The following DDX3X variants were observed in gnomAD, a reference collection of about 807,000 sequenced individuals.
DDX3X encodes DEAD-box helicase 3 X-linked.
Under a neutral mutation model 52.7 loss-of-function variants are expected in DDX3X, and 4 were observed. The ratio of observed to expected loss-of-function variants is 0.08; its 90% CI spans 0.04 to 0.17. The LOEUF (loss-of-function observed/expected upper bound fraction) is 0.17, where lower values mean the gene tolerates loss of function less well. DDX3X is among the 10% of genes least tolerant of loss of function. The pLI is 1.00. For synonymous variants in DDX3X, 192 were observed against 178.1 expected, an observed-to-expected ratio of 1.08 and a Z score of -0.62; for missense variants, 222 against 548.6, an observed-to-expected ratio of 0.40 and a Z score of 5.95.
At chrX:41,350,870 T>TA (rs1037008606), downstream of DDX3X, 2 of 111,875 alleles carry the variant, frequency 1.8e-5, no homozygotes, top group Non-Finnish European at 3.8e-5. Flanking sequence ...AGCGGTTTGA[T>TA]ACGTTTCAAT....
At chrX:41,343,843 T>C in intron 8 of DDX3X, 21 bp downstream of exon 8, 1 of 1,175,358 alleles carries the variant, frequency 8.5e-7, no homozygotes. Context: ...CTTTATAAAA[T>C]GGGAAATTGT....
intron 1 of DDX3X, 59 bp downstream of exon 1, chrX:41,334,356 C>T (rs1027871352): frequency 1.7e-6 from 2 of 1,185,408 alleles, no homozygotes; most frequent in East Asian, 3.0e-5. Flanking sequence ...CTGACCTAAC[C>T]TGGCTAATGG....
chrX:41,334,620 C>G (rs1026013476), intron 1 of DDX3X: 3 of 1,088,838 alleles, frequency 2.8e-6, no homozygotes, highest in African/African-American at 1.8e-5. Flanking sequence ...GATTAGTGAC[C>G]TGGGGGGGTT....
chrX:41,345,826 C>T (rs1484767635), intron 12 of DDX3X: 1 of 279,764 alleles, frequency 3.6e-6, no homozygotes, highest in African/African-American at 2.8e-5. Flanking sequence ...AATCCTCCTG[C>T]CTCAGTCTCC....
At position 41,350,060 on chromosome X, in the gene DDX3X, C is replaced by CATGTAAGG. The variant is rs1205703952; in HGVS notation, c.*2344_*2351dup. ...TTTCAGTTAATAAGGTTTCAAAAATCATGTAAGGATTTAAACTTGCTGAAT... is the reference window on the plus strand; with the variant it reads ...TTTCAGTTAATAAGGTTTCAAAAATCATGTAAGGATGTAAGGATTTAAACTTGCTGAAT... On this transcript the variant is annotated 3_prime_UTR_variant, in exon 17 of 17. Transcript: ENST00000644876. 1 of 112,055 alleles carries CATGTAAGG rather than the reference C, an allele frequency of 8.9e-6. No individual in the cohort carries two copies. Among genetic ancestry groups the CATGTAAGG allele is most frequent in the Admixed American group, 9.6e-5 (1 of 10,467 alleles). The allele number at this position is 112,055 out of a possible 1,213,427, so 9.2% of individuals were successfully genotyped here. A position where few individuals can be genotyped will look rare whatever the true frequency, so the allele number is the denominator to read the frequency against.
At chrX:41,340,291 C>G (rs1477524247) in intron 3 of DDX3X, 1 of 111,931 alleles carries the variant, frequency 8.9e-6, no homozygotes, top group Non-Finnish European at 1.9e-5. Flanking sequence ...AGTATACTAG[C>G]TAGAATTGAC....
At position 41,342,092 on chromosome X, in the gene DDX3X, G is replaced by T. The variant is rs190160529; in HGVS notation, c.285-403G>T. 6.4e-5 allele frequency: 10 copies of T among 156,056 alleles called. No individual in the cohort carries two copies. The East Asian group carries it at 1.8e-3, about 28-fold the overall frequency. 12.9% of individuals were successfully genotyped at this position (156,056 alleles called of 1,213,427 possible). Reference sequence around the variant, plus strand: ...TTTATCCAAAGTCTGTCACACAGGTGAATTGTCCTTTAAGTGACATCCTAG... The same window carrying T: ...TTTATCCAAAGTCTGTCACACAGGTTAATTGTCCTTTAAGTGACATCCTAG... On this transcript the variant is annotated intron_variant, in intron 4 of 16. Transcript: ENST00000644876.
At chrX:41,356,100 T>C (rs2064007654) in intron 5 of DDX3X, among the ~76,000 whole-genome samples, 1 of 110,050 alleles carries the variant, frequency 9.1e-6, no homozygotes, top group Non-Finnish European at 1.9e-5. Context: ...TAATTGTTCT[T>C]AAACATTTAA....
chrX:41,350,905 G>A (rs2063980110), downstream of DDX3X: 1 of 112,010 alleles, frequency 8.9e-6, no homozygotes, highest in African/African-American at 3.2e-5. Context: ...TTCAGCTTTT[G>A]TTTCAGTAAG....
upstream of DDX3X, chrX:41,333,906 T>C: frequency 5.3e-6 from 1 of 188,869 alleles, no homozygotes; most frequent in Non-Finnish European, 9.9e-6. Context: ...ACTAGGGTTT[T>C]AGCGGAGAGC....
chrX:41,346,783 C>T (rs753289295), intron 14 of DDX3X, 76 bp from the exon 15 acceptor site: 32 of 1,014,539 alleles, frequency 3.2e-5, no homozygotes, highest in Middle Eastern at 3.1e-4. Flanking sequence ...AATATTTCTA[C>T]GTAGGAAAGT....
At position 41,347,296 on chromosome X, in the gene DDX3X, A is replaced by G. The variant is rs772041014; in HGVS notation, c.1770-16A>G. The G allele has an allele frequency of 1.2e-5, 14 of 1,194,713 alleles. No individual in the cohort carries two copies. The highest frequency in any genetic ancestry group is 1.2e-4 in the Admixed American group (5 of 43,146). ...ATTTCATCTTCATGTGAACCAACAT[A>G]ATTTTTTTCTTATAGTAGCAGATTT... On this transcript the variant is annotated splice_polypyrimidine_tract_variant and intron_variant, in intron 15 of 16. Transcript: ENST00000644876.
downstream of DDX3X, chrX:41,351,527 T>A (rs1241453370): frequency 9.0e-6 from 1 of 111,562 alleles, no homozygotes; most frequent in African/African-American, 3.3e-5. Context: ...ACAGTGACTT[T>A]GTTGATAGGG....
chrX:41,341,149 C>CT (rs2063844627), intron 3 of DDX3X: 1 of 159,781 alleles, frequency 6.3e-6, no homozygotes, highest in Non-Finnish European at 1.2e-5. Flanking sequence ...CCACGCCTGG[C>CT]TAATATTGTA....
Position 41,348,360 on chromosome X carries a change from T to G in DDX3X, c.*641T>G, listed in dbSNP as rs992462951. 8.8e-6 allele frequency: 1 copy of G among 113,993 alleles called. No homozygotes were observed. The highest frequency in any genetic ancestry group is 1.8e-5 in the Non-Finnish European group (1 of 54,237). 9.4% of individuals were successfully genotyped at this position (113,993 alleles called of 1,213,427 possible). ...TGCTCACTCTATCCTGGATAGGTAT[T>G]TAGAACCTGATAGTCTTTAAGCCAT... On this transcript the variant is annotated 3_prime_UTR_variant, in exon 17 of 17. Transcript: ENST00000644876.
At chrX:41,343,907 G>GTA in intron 8 of DDX3X, 85 bp downstream of exon 8, 2 of 1,010,983 alleles carry the variant, frequency 2.0e-6, no homozygotes, top group Non-Finnish European at 2.7e-6. Context: ...TAAGACTTAA[G>GTA]TAGAATGAAA....
rs36111286 is a variant in DDX3X, at chrX:41,355,645, C to CTT, written c.654+8210_654+8211dup. On this transcript the variant is annotated intron_variant, in intron 5 of 5. Transcript: ENST00000616050. The stretch of plus-strand genomic sequence containing the variant: ...ACCATGCTCGGCTAATTTTCTTTTT[C>CTT]TTTTTTTTTTTTTTTTTGAGATGTG... Among the ~76,000 whole-genome samples the CTT allele has an allele frequency of 3.3e-3, 281 of 85,745 alleles. 4 individuals carry two copies. The highest frequency in any genetic ancestry group is 0.013 in the South Asian group (21 of 1,610). 74.5% of individuals were successfully genotyped at this position (85,745 alleles called of 115,157 possible). A position where few individuals can be genotyped will look rare whatever the true frequency, so the allele number is the denominator to read the frequency against.
chrX:41,355,171 G>A (rs2064003681), downstream of DDX3X, among the ~76,000 whole-genome samples: 1 of 111,288 alleles, frequency 9.0e-6, no homozygotes, highest in East Asian at 2.8e-4. Flanking sequence ...TAGTTTATCC[G>A]TTCAGCCGTT....
chrX:41,347,501 TA>T lies in DDX3X; in HGVS notation c.1909+51del, dbSNP rs2063942391. On this transcript the variant is annotated intron_variant, in intron 16 of 16. Transcript: ENST00000644876. ...GCTTTGGGAAGGGTTTTTTTCCTTT[TA>T]GTCATCTTTTTCAAAGCCTAATTAA... 4 of 1,191,050 alleles carry T rather than the reference TA, an allele frequency of 3.4e-6. No homozygotes were observed. In the African/African-American group the frequency reaches 7.1e-5, roughly 21 times the overall value.
Sources: gnomAD v4.1 joint callset for allele counts (sites outside exome capture counted in the v4.1 genomes callset) on GRCh38, gnomAD v4.1.1 for gene constraint, MANE v1.5 for transcripts, NCBI Gene and HGNC (gene_info 2026-07-23, HGNC 2026-07-21) for gene names.